The following SCARA3 variants were observed in gnomAD, a reference collection of about 807,000 sequenced individuals.
SCARA3 encodes the protein cellular stress response gene protein.
Under a neutral mutation model 47.0 loss-of-function variants are expected in SCARA3, and 39 were observed. That is an observed-to-expected ratio of 0.83 (90% CI 0.64 to 1.08). The LOEUF (loss-of-function observed/expected upper bound fraction) is 1.08. SCARA3 is among the 50% of genes least tolerant of loss of function. The pLI, the probability that SCARA3 is intolerant of heterozygous loss-of-function variation, is 0.00. For synonymous variants in SCARA3, 356 were observed against 334.1 expected, an observed-to-expected ratio of 1.07 and a Z score of -0.71; for missense variants, 724 against 792.3, an observed-to-expected ratio of 0.91 and a Z score of 1.04.
Position 27,634,198 on chromosome 8 carries a change from A to G in SCARA3, c.-3A>G. 1.4e-6 allele frequency: 2 copies of G among 1,410,302 alleles called. No homozygotes were observed. The highest frequency in any genetic ancestry group is 1.6e-5 in the South Asian group (1 of 60,674). 87.4% of individuals were successfully genotyped at this position (1,410,302 alleles called of 1,614,324 possible). On this transcript the variant is annotated 5_prime_UTR_variant, in exon 1 of 6. Transcript: ENST00000301904. Reference sequence around the variant, plus strand: ...CCCTCCTGAGGCCCCAGAGGAAGAGACCATGAAAGGTAAGGGCGGCCTGTC... The same window carrying G: ...CCCTCCTGAGGCCCCAGAGGAAGAGGCCATGAAAGGTAAGGGCGGCCTGTC...
rs368365460 is a variant in SCARA3 at position 27,672,531 on chromosome 8, C to T, written c.*1180C>T. 4 of 985,766 alleles carry T rather than the reference C, an allele frequency of 4.1e-6. No homozygotes were observed. In the East Asian group the frequency reaches 3.4e-4, roughly 84 times the overall value. The allele number at this position is 985,766 out of a possible 1,614,324, so 61.1% of individuals were successfully genotyped here. ...GCTCTCGCCTCCCGCACACGGCTCT[C>T]CTGATCACAGCTGCATGCCGACCTT... On this transcript the variant is annotated 3_prime_UTR_variant, in exon 6 of 6. Coordinates refer to ENST00000301904, the MANE Select transcript of SCARA3 (RefSeq NM_016240.3).
rs34878309 is a variant in SCARA3, at chr8:27,657,602, G to A, written c.325+722G>A. 1.5e-3 allele frequency among the ~76,000 whole-genome samples: 212 copies of A among 142,614 alleles called. 1 individual carries two copies. The highest frequency in any genetic ancestry group is 5.3e-3 in the African/African-American group (198 of 37,172). The allele number at this position is 142,614 out of a possible 152,430, so 93.6% of individuals were successfully genotyped here. A position where few individuals can be genotyped will look rare whatever the true frequency, so the allele number is the denominator to read the frequency against. On this transcript the variant is annotated intron_variant, in intron 4 of 5. Coordinates refer to ENST00000301904, the MANE Select transcript of SCARA3 (RefSeq NM_016240.3). ...GTCACCCAGGCTGGAGTGCAGTGGT[G>A]TGATCTCGGCTCACTGCAAGCTCCA...
chr8:27,634,343 T>A, intron 1 of SCARA3, 136 bp downstream of exon 1: 1 of 710,044 alleles, frequency 1.4e-6, no homozygotes, highest in Non-Finnish European at 2.0e-6. Flanking sequence ...CCTGCCTTTT[T>A]GGGCATCCTG....
At chr8:27,673,566 T>C (rs927309508), downstream of SCARA3, among the ~76,000 whole-genome samples, 1 of 152,114 alleles carries the variant, frequency 6.6e-6, no homozygotes, top group African/African-American at 2.4e-5. Context: ...GGGTTGGTGC[T>C]TAGTTGAGGA....
At chr8:27,646,953 C>T (rs537205496) in intron 1 of SCARA3, among the ~76,000 whole-genome samples, 3 of 136,566 alleles carry the variant, frequency 2.2e-5, no homozygotes, top group South Asian at 5.7e-4. Context: ...AGCACTTGCC[C>T]GCACCCCTGA....
the SCARA3 span, among the ~76,000 whole-genome samples, chr8:27,696,095 G>A: frequency 1.3e-5 from 2 of 151,428 alleles, no homozygotes; most frequent in Non-Finnish European, 2.9e-5. Context: ...CTGTGGCCTT[G>A]AACTCCTGGG....
chr8:27,700,810 C>T, the SCARA3 span, among the ~76,000 whole-genome samples: 6 of 152,026 alleles, frequency 3.9e-5, no homozygotes, highest in Non-Finnish European at 8.8e-5. Flanking sequence ...TGTGGAGCAA[C>T]GAGAACTCTC....
intron 1 of SCARA3, among the ~76,000 whole-genome samples, chr8:27,636,266 C>G (rs1175936556): frequency 6.6e-6 from 1 of 152,168 alleles, no homozygotes; most frequent in Non-Finnish European, 1.5e-5. Context: ...CAGAGTGGCT[C>G]CACCCCAATT....
intron 5 of SCARA3, among the ~76,000 whole-genome samples, chr8:27,660,100 C>A (rs1464901207): frequency 6.6e-6 from 1 of 151,950 alleles, no homozygotes; most frequent in East Asian, 1.9e-4. Flanking sequence ...AACCACCCAA[C>A]CCTCTGCCCC....
intron 1 of SCARA3, among the ~76,000 whole-genome samples, chr8:27,647,124 C>T (rs1801520319): frequency 6.6e-6 from 1 of 152,236 alleles, no homozygotes; most frequent in Non-Finnish European, 1.5e-5. Flanking sequence ...CACACATACA[C>T]AGGTACACAC....
chr8:27,669,620 G>T (rs1293929144), intron 5 of SCARA3, among the ~76,000 whole-genome samples: 1 of 152,264 alleles, frequency 6.6e-6, no homozygotes, highest in African/African-American at 2.4e-5. Flanking sequence ...CTTGCTGCTG[G>T]CAGGCCACGT....
At chr8:27,722,022 A>T in the SCARA3 span, among the ~76,000 whole-genome samples, 10 of 152,212 alleles carry the variant, frequency 6.6e-5, no homozygotes, top group Non-Finnish European at 1.2e-4. Flanking sequence ...CTGGGAGGTC[A>T]AGGCTGCAGT....
At chr8:27,646,676 T>C (rs1294184232) in intron 1 of SCARA3, among the ~76,000 whole-genome samples, 1 of 151,820 alleles carries the variant, frequency 6.6e-6, no homozygotes, top group Admixed American at 6.6e-5. Context: ...CTGACTGGGG[T>C]CTCTGGAGGT....
At chr8:27,652,791 A>G (rs918237768) in intron 3 of SCARA3, among the ~76,000 whole-genome samples, 2 of 152,202 alleles carry the variant, frequency 1.3e-5, no homozygotes, top group Non-Finnish European at 2.9e-5. Flanking sequence ...TTGTCAGGGG[A>G]TACTGGAATC....
chr8:27,672,490 C>T lies in SCARA3; in HGVS notation c.*1139C>T, dbSNP rs1445962286. 1 of 985,698 alleles carries T rather than the reference C, an allele frequency of 1.0e-6. No homozygotes were observed. The highest frequency in any genetic ancestry group is 1.2e-6 in the Non-Finnish European group (1 of 830,134). 61.1% of individuals were successfully genotyped at this position (985,698 alleles called of 1,614,324 possible). On this transcript the variant is annotated 3_prime_UTR_variant, in exon 6 of 6. Coordinates refer to ENST00000301904, the MANE Select transcript of SCARA3 (RefSeq NM_016240.3). ...AGGATTAGGCTGCAGAAGGGCCAAC[C>T]CCTTGCAACAGGGCAGCTCTCGCCT...
At chr8:27,731,758 T>C in the SCARA3 span, among the ~76,000 whole-genome samples, 1 of 152,212 alleles carries the variant, frequency 6.6e-6, no homozygotes, top group African/African-American at 2.4e-5. Context: ...TTTGAAATGT[T>C]ATGTAAGCCT....
At chr8:27,683,338 A>G in the SCARA3 span, among the ~76,000 whole-genome samples, 340 of 152,292 alleles carry the variant, frequency 2.2e-3, 1 homozygote, top group Middle Eastern at 3.4e-3. Context: ...GAAATGTTCT[A>G]TATCTTGATT....
At chr8:27,656,371 C>T (rs1188670713) in intron 3 of SCARA3, among the ~76,000 whole-genome samples, 1 of 152,116 alleles carries the variant, frequency 6.6e-6, no homozygotes, top group Admixed American at 6.5e-5. Context: ...TGGAATGTAT[C>T]CCCTGCAGGT....
At chr8:27,637,552 C>T (rs180788475) in intron 1 of SCARA3, among the ~76,000 whole-genome samples, 1 of 152,302 alleles carries the variant, frequency 6.6e-6, no homozygotes, top group African/African-American at 2.4e-5. Flanking sequence ...GGCCCAAGAG[C>T]TCTGCGCCTG....
Sources: gnomAD v4.1 joint callset for allele counts (sites outside exome capture counted in the v4.1 genomes callset) on GRCh38, gnomAD v4.1.1 for gene constraint, MANE v1.5 for transcripts, NCBI Gene and HGNC (gene_info 2026-07-23, HGNC 2026-07-21) for gene names.